Variants in ST3GAL3 observed in about 807,000 individuals in gnomAD.
ST3GAL3 encodes the protein ST3 beta-galactoside alpha-2,3-sialyltransferase 3.
A neutral mutation model predicts 50.1 loss-of-function variants in ST3GAL3; 21 were observed. The observed-to-expected ratio is 0.42, with a 90% CI of 0.30 to 0.60. The LOEUF is 0.60. Ranked by LOEUF, ST3GAL3 falls within the 20% of genes least tolerant of loss-of-function variation. The pLI is 0.19. For missense variants in ST3GAL3, 353 were observed against 489.4 expected, an observed-to-expected ratio of 0.72 and a Z score of 2.63; for synonymous variants, 183 against 190.0, an observed-to-expected ratio of 0.96 and a Z score of 0.30.
chr1:43,853,914 A>G (rs557622425), intron 5 of ST3GAL3, among the ~76,000 whole-genome samples: 4 of 152,156 alleles, frequency 2.6e-5, no homozygotes, highest in South Asian at 4.1e-4. Context: ...CAGGAGACCT[A>G]TTGCACTGCC....
intron 3 of ST3GAL3, among the ~76,000 whole-genome samples, chr1:43,803,061 G>A (rs1003674283): frequency 6.6e-6 from 1 of 152,066 alleles, no homozygotes; most frequent in Non-Finnish European, 1.5e-5. Context: ...AAGTAGCTGG[G>A]ACTACAGGCA....
chr1:43,775,262 G>A (rs919619429), intron 2 of ST3GAL3, among the ~76,000 whole-genome samples: 7 of 147,852 alleles, frequency 4.7e-5, no homozygotes, highest in South Asian at 4.2e-4. Context: ...AGACTGAGTC[G>A]CGCTCTTGTC....
At chr1:43,927,095 C>T (rs1368178664) in intron 11 of ST3GAL3, among the ~76,000 whole-genome samples, 10 of 152,148 alleles carry the variant, frequency 6.6e-5, no homozygotes, top group East Asian at 1.9e-4. Flanking sequence ...TTTGGGAGGC[C>T]GATGCAGGTG....
chr1:43,856,722 T>G (rs1209573116), intron 5 of ST3GAL3, among the ~76,000 whole-genome samples: 2 of 152,218 alleles, frequency 1.3e-5, no homozygotes, highest in Non-Finnish European at 2.9e-5. Flanking sequence ...CAATTTTTTT[T>G]CATATATTCC....
intron 9 of ST3GAL3, among the ~76,000 whole-genome samples, chr1:43,901,221 C>G (rs1267183583): frequency 6.6e-6 from 1 of 152,264 alleles, no homozygotes. Flanking sequence ...TTCTGCCATC[C>G]TCCTTTCACA....
intron 3 of ST3GAL3, among the ~76,000 whole-genome samples, chr1:43,813,915 A>G (rs1186402699): frequency 7.3e-5 from 11 of 151,472 alleles, no homozygotes; most frequent in African/African-American, 1.7e-4. Context: ...ACACACACAC[A>G]CACACACACA....
At position 43,899,747 on chromosome 1, in the gene ST3GAL3, G is replaced by A. The variant is rs2154271022; in HGVS notation, c.744+20G>A. On this transcript the variant is annotated intron_variant, in intron 9 of 11. Transcript: ENST00000347631. The surrounding 1 kb of genome is among the most constrained non-coding windows in gnomAD (Gnocchi z 5.4). ...AGAGTGGTAAGCTCTCCTGGCACCA[G>A]CTTCTTCCCCTCTTGCCCTGGGCTT... 1 of 1,611,956 alleles carries A rather than the reference G, an allele frequency of 6.2e-7. No homozygotes were observed. Among genetic ancestry groups the A allele is most frequent in the South Asian group, 1.1e-5 (1 of 91,032 alleles).
chr1:43,811,760 T>G (rs1461487368), intron 3 of ST3GAL3, among the ~76,000 whole-genome samples: 1 of 152,162 alleles, frequency 6.6e-6, no homozygotes, highest in Admixed American at 6.5e-5. Context: ...CTCCAAACCT[T>G]AAGGACGTGT....
At chr1:43,764,689 C>T (rs534111630) in intron 2 of ST3GAL3, among the ~76,000 whole-genome samples, 1 of 152,354 alleles carries the variant, frequency 6.6e-6, no homozygotes, top group South Asian at 2.1e-4. Context: ...GTTTTCTAAG[C>T]CATAGAGTGA....
intron 3 of ST3GAL3, among the ~76,000 whole-genome samples, chr1:43,798,677 T>C (rs1257062303): frequency 1.3e-5 from 2 of 152,162 alleles, no homozygotes; most frequent in Non-Finnish European, 2.9e-5. Context: ...CCAGTCCTTC[T>C]CTAAAAAAGT....
intron 9 of ST3GAL3, among the ~76,000 whole-genome samples, chr1:43,904,701 CCGCTCCCTGTCACTCTTCCTCA>C (rs1259610706): frequency 6.9e-6 from 1 of 145,180 alleles, no homozygotes; most frequent in Admixed American, 6.9e-5. Flanking sequence ...ACTCTTCCTC[CCGCTCCCTGTCACTCTTCCTCA>C]CCCTCCCCCT....
chr1:43,889,394 C>G (rs1213734535), intron 5 of ST3GAL3, among the ~76,000 whole-genome samples: 1 of 152,154 alleles, frequency 6.6e-6, no homozygotes, highest in African/African-American at 2.4e-5. Flanking sequence ...AACTCTATAT[C>G]ATCATTAAAC....
chr1:43,809,968 G>C (rs1384424888), intron 3 of ST3GAL3, among the ~76,000 whole-genome samples: 3 of 148,434 alleles, frequency 2.0e-5, no homozygotes, highest in African/African-American at 7.5e-5. Flanking sequence ...ACTCCAACCT[G>C]GGCCACAGAG....
chr1:43,886,250 G>A (rs2075970708), intron 5 of ST3GAL3, among the ~76,000 whole-genome samples: 1 of 152,128 alleles, frequency 6.6e-6, no homozygotes, highest in African/African-American at 2.4e-5. Context: ...GCGTGGTGGT[G>A]CACACCTGTA....
intron 5 of ST3GAL3, among the ~76,000 whole-genome samples, chr1:43,853,041 A>G (rs752680102): frequency 2.6e-5 from 4 of 152,214 alleles, no homozygotes; most frequent in African/African-American, 7.2e-5. Context: ...GTAAAACCTA[A>G]ATTGACACAT....
intron 11 of ST3GAL3, among the ~76,000 whole-genome samples, chr1:43,925,296 C>A (rs867248446): frequency 1.1e-3 from 95 of 90,228 alleles, no homozygotes; most frequent in South Asian, 1.7e-3. Flanking sequence ...GACTGTGTCT[C>A]AAAAAAAAAA....
At chr1:43,804,497 G>A (rs1558373394) in intron 3 of ST3GAL3, among the ~76,000 whole-genome samples, 1 of 152,188 alleles carries the variant, frequency 6.6e-6, no homozygotes, top group Non-Finnish European at 1.5e-5. Flanking sequence ...GACCTTGGTT[G>A]AGATGGAGCA....
At chr1:43,845,789 C>G (rs915692526) in intron 5 of ST3GAL3, among the ~76,000 whole-genome samples, 1 of 151,754 alleles carries the variant, frequency 6.6e-6, no homozygotes, top group African/African-American at 2.4e-5. Flanking sequence ...AAATTTCACT[C>G]TATATATTGC....
At chr1:43,831,172 T>G (rs1434640341) in intron 4 of ST3GAL3, among the ~76,000 whole-genome samples, 1 of 152,234 alleles carries the variant, frequency 6.6e-6, no homozygotes, top group Non-Finnish European at 1.5e-5. Context: ...TACCTTAAGC[T>G]GATTACACTT....
Sources: gnomAD v4.1 joint callset for allele counts (sites outside exome capture counted in the v4.1 genomes callset) on GRCh38, gnomAD v4.1.1 for gene constraint, Gnocchi (gnomAD v3.1) non-coding constraint, MANE v1.5 for transcripts, NCBI Gene and HGNC (gene_info 2026-07-23, HGNC 2026-07-21) for gene names.